SHROOM3: variants seen among roughly 807,000 people sequenced by gnomAD.
SHROOM3 encodes protein Shroom3.
In SHROOM3, 47 loss-of-function variants were observed where a neutral mutation model predicts 138.6. That is an observed-to-expected ratio of 0.34 (90% confidence interval 0.27 to 0.43). The LOEUF (loss-of-function observed/expected upper bound fraction) is 0.43. Among genes scored for constraint, SHROOM3 ranks in the 20% least tolerant of loss-of-function variants. The pLI, the probability that SHROOM3 is intolerant of heterozygous loss-of-function variation, is 1.00. For synonymous variants in SHROOM3, 1,062 were observed against 1,063.3 expected, an observed-to-expected ratio of 1.00 and a Z score of 0.02; for missense variants, 2,491 against 2,596.5, an observed-to-expected ratio of 0.96 and a Z score of 0.88.
intron 1 of SHROOM3, among the ~76,000 whole-genome samples, chr4:76,549,658 C>T (rs374352681): frequency 1.4e-4 from 21 of 152,184 alleles, no homozygotes; most frequent in African/African-American, 4.6e-4. Context: ...TGAGCCACTG[C>T]GCCCGGCAGT....
intron 7 of SHROOM3, among the ~76,000 whole-genome samples, chr4:76,755,608 GA>G (rs1721780499): frequency 6.6e-6 from 1 of 152,124 alleles, no homozygotes; most frequent in Admixed American, 6.5e-5. Flanking sequence ...TCTTGATACT[GA>G]ACCCCCAAGT....
intron 5 of SHROOM3, among the ~76,000 whole-genome samples, chr4:76,744,160 A>G (rs1010599432): frequency 4.6e-5 from 7 of 152,234 alleles, no homozygotes; most frequent in African/African-American, 1.4e-4. Flanking sequence ...CCAAATCCCA[A>G]TTAAATACTT....
intron 2 of SHROOM3, among the ~76,000 whole-genome samples, chr4:76,578,293 G>T (rs1284852119): frequency 2.0e-5 from 3 of 152,154 alleles, no homozygotes; most frequent in African/African-American, 7.2e-5. Flanking sequence ...ACGGTTGGAG[G>T]AAACTTTATC....
chr4:76,543,421 A>G (rs1489146083), intron 1 of SHROOM3, among the ~76,000 whole-genome samples: 13 of 152,152 alleles, frequency 8.5e-5, no homozygotes. Context: ...CTGCACATGG[A>G]TTTGACAGGA....
At chr4:76,488,684 A>G (rs996293793) in intron 1 of SHROOM3, among the ~76,000 whole-genome samples, 2 of 152,206 alleles carry the variant, frequency 1.3e-5, no homozygotes, top group African/African-American at 2.4e-5. Flanking sequence ...AATTTTAAGA[A>G]GTGTTCCAGG....
chr4:76,634,488 G>T (rs1735434663), intron 2 of SHROOM3, among the ~76,000 whole-genome samples: 1 of 152,158 alleles, frequency 6.6e-6, no homozygotes, highest in African/African-American at 2.4e-5. Context: ...AGTCCTTAGT[G>T]TATTGGCCAA....
intron 2 of SHROOM3, among the ~76,000 whole-genome samples, chr4:76,691,846 C>T (rs577217265): frequency 6.6e-6 from 1 of 152,184 alleles, no homozygotes; most frequent in Non-Finnish European, 1.5e-5. Flanking sequence ...CCCATACAGA[C>T]CTTTGACCAA....
intron 2 of SHROOM3, among the ~76,000 whole-genome samples, chr4:76,667,350 C>A (rs1463943124): frequency 1.3e-5 from 2 of 152,044 alleles, no homozygotes; most frequent in Non-Finnish European, 2.9e-5. Flanking sequence ...GACAGGTTCT[C>A]GCTCTGTCAC....
chr4:76,778,465 A>T (rs1382620095), intron 10 of SHROOM3, among the ~76,000 whole-genome samples: 1 of 152,144 alleles, frequency 6.6e-6, no homozygotes, highest in African/African-American at 2.4e-5. Flanking sequence ...CAAGTGATCC[A>T]TCCATCCCGG....
intron 3 of SHROOM3, among the ~76,000 whole-genome samples, chr4:76,728,636 G>A (rs1720779148): frequency 6.6e-6 from 1 of 152,194 alleles, no homozygotes; most frequent in Admixed American, 6.5e-5. Flanking sequence ...TTGATGTCTT[G>A]ATTTTGCATC....
chr4:76,695,797 G>A (rs908542096), intron 2 of SHROOM3, among the ~76,000 whole-genome samples: 2 of 152,194 alleles, frequency 1.3e-5, no homozygotes, highest in East Asian at 3.8e-4. Flanking sequence ...CTCCATTGCA[G>A]TGTGGAGTTA....
intron 2 of SHROOM3, among the ~76,000 whole-genome samples, chr4:76,656,526 C>T (rs1005917644): frequency 6.6e-6 from 1 of 152,208 alleles, no homozygotes; most frequent in South Asian, 2.1e-4. Flanking sequence ...CCCTTTCTAA[C>T]CCTCACTGAG....
intron 2 of SHROOM3, among the ~76,000 whole-genome samples, chr4:76,673,670 A>C (rs1042963574): frequency 1.2e-4 from 19 of 152,122 alleles, no homozygotes; most frequent in Non-Finnish European, 1.5e-5. Flanking sequence ...GTTTTTGTTA[A>C]AAAAAATTTT....
At chr4:76,508,675 C>A (rs1002603162) in intron 1 of SHROOM3, among the ~76,000 whole-genome samples, 2 of 152,170 alleles carry the variant, frequency 1.3e-5, no homozygotes, top group Non-Finnish European at 2.9e-5. Flanking sequence ...GCCTTCCAAT[C>A]AATGAACGTG....
Position 76,738,990 on chromosome 4 carries a change from C to A in SHROOM3, c.817C>A (p.Pro273Thr). 6.2e-7 allele frequency: 1 copy of A among 1,614,202 alleles called. No homozygotes were observed. The highest frequency in any genetic ancestry group is 1.1e-5 in the South Asian group (1 of 91,080). Residue 273 changes from proline to threonine, a missense_variant, in exon 5 of 11, where the codon CCA (proline) becomes ACA (threonine). Pro to Thr is a conservative substitution (Grantham distance 38). Coordinates refer to ENST00000296043, the MANE Select transcript of SHROOM3 (RefSeq NM_020859.4). The stretch of plus-strand genomic sequence containing the variant: ...CACCAGTTCTAGCATCCTAGAGTAT[C>A]CACACCCTGGCATCTCTGGCCGGGA... ...FSTSSSILEY[P>T]HPGISGRERS...
At chr4:76,599,171 T>C (rs989152199) in intron 2 of SHROOM3, among the ~76,000 whole-genome samples, 2 of 152,080 alleles carry the variant, frequency 1.3e-5, no homozygotes, top group African/African-American at 2.4e-5. Flanking sequence ...AACTTTGCCA[T>C]AGTGTGTGCT....
chr4:76,441,086 G>GGTTTTT (rs1730659977), intron 1 of SHROOM3, among the ~76,000 whole-genome samples: 2 of 82,182 alleles, frequency 2.4e-5, no homozygotes, highest in Admixed American at 4.0e-4. Context: ...AGTTCAATTT[G>GGTTTTT]TTTTTTTTTT....
intron 2 of SHROOM3, among the ~76,000 whole-genome samples, chr4:76,567,916 A>G (rs940995012): frequency 1.3e-5 from 2 of 151,842 alleles, no homozygotes; most frequent in Admixed American, 6.6e-5. Context: ...TAACTAAATT[A>G]AAAATCTCCT....
At chr4:76,511,381 G>A (rs1306754911) in intron 1 of SHROOM3, among the ~76,000 whole-genome samples, 1 of 152,098 alleles carries the variant, frequency 6.6e-6, no homozygotes, top group Non-Finnish European at 1.5e-5. Flanking sequence ...CCTGCTCTTA[G>A]TGGTTTCTAT....
Sources: gnomAD v4.1 joint callset for allele counts (sites outside exome capture counted in the v4.1 genomes callset) on GRCh38, gnomAD v4.1.1 for gene constraint, MANE v1.5 for transcripts, NCBI Gene and HGNC (gene_info 2026-07-23, HGNC 2026-07-21) for gene names.